The following SARNP variants were observed in gnomAD, a reference collection of about 807,000 sequenced individuals.
SARNP encodes the protein SAP domain containing ribonucleoprotein.
A neutral mutation model predicts 38.1 loss-of-function variants in SARNP; 5 were observed. The observed-to-expected ratio is 0.13, with a 90% CI of 0.07 to 0.28. The LOEUF (loss-of-function observed/expected upper bound fraction) is 0.28, where lower values mean the gene tolerates loss of function less well. Ranked by LOEUF, SARNP falls within the 10% of genes least tolerant of loss-of-function variation. The pLI, the probability that SARNP is intolerant of heterozygous loss-of-function variation, is 1.00. For synonymous variants in SARNP, 84 were observed against 80.6 expected, an observed-to-expected ratio of 1.04 and a Z score of -0.23; for missense variants, 180 against 243.9, an observed-to-expected ratio of 0.74 and a Z score of 1.75.
At chr12:55,785,291 A>G (rs1879458173) in intron 9 of SARNP, among the ~76,000 whole-genome samples, 1 of 152,188 alleles carries the variant, frequency 6.6e-6, no homozygotes, top group Non-Finnish European at 1.5e-5. Flanking sequence ...ACAACCCTCC[A>G]GAGACTTAAA....
intron 9 of SARNP, among the ~76,000 whole-genome samples, chr12:55,778,449 T>C (rs1248586764): frequency 6.6e-6 from 1 of 152,182 alleles, no homozygotes; most frequent in Non-Finnish European, 1.5e-5. Context: ...GCTGACCTGT[T>C]TCCCCTTTAA....
downstream of SARNP, chr12:55,756,952 C>G (rs1878523403): frequency 6.6e-6 from 1 of 152,252 alleles, no homozygotes; most frequent in Non-Finnish European, 1.5e-5. Flanking sequence ...CTACTAATCA[C>G]TGCCCTTGTA....
chr12:55,809,581 C>T lies in SARNP; in HGVS notation c.37-5853G>A, dbSNP rs146553215. On this transcript the variant is annotated intron_variant, in intron 1 of 10. Coordinates refer to ENST00000336133, the MANE Select transcript of SARNP (RefSeq NM_033082.4). ...ACCAGCCTGGGCAACACAGTGAGACCCTGTCTCTCAAAAAACAAAAAACTA... is the reference window on the plus strand; with the variant it reads ...ACCAGCCTGGGCAACACAGTGAGACTCTGTCTCTCAAAAAACAAAAAACTA... Among the ~76,000 whole-genome samples, 521 of 147,936 alleles carry T rather than the reference C, an allele frequency of 3.5e-3. 2 individuals are homozygous for T. The highest frequency in any genetic ancestry group is 0.012 in the African/African-American group (493 of 39,946).
chr12:55,816,615 C>T (rs1159123514), intron 1 of SARNP, among the ~76,000 whole-genome samples: 1 of 152,150 alleles, frequency 6.6e-6, no homozygotes, highest in African/African-American at 2.4e-5. Flanking sequence ...AAAAACTTTT[C>T]GAGCTTTAAA....
intron 5 of SARNP, 91 bp downstream of exon 5, chr12:55,795,934 G>T: frequency 1.1e-6 from 1 of 918,472 alleles, no homozygotes; most frequent in Non-Finnish European, 1.7e-6. Context: ...TTCTGCCTGT[G>T]AATAAATTTT....
intron 10 of SARNP, among the ~76,000 whole-genome samples, chr12:55,759,175 T>A (rs1878601117): frequency 6.6e-6 from 1 of 152,220 alleles, no homozygotes; most frequent in Non-Finnish European, 1.5e-5. Context: ...TGAGAAACTA[T>A]CTGTAAACAA....
chr12:55,756,545 G>A (rs930815708), downstream of SARNP: 3 of 152,144 alleles, frequency 2.0e-5, no homozygotes, highest in African/African-American at 7.2e-5. Context: ...CTTCAGGTAA[G>A]GTGTCAGGCT....
chr12:55,803,547 G>GA (rs548860817), intron 2 of SARNP, 82 bp downstream of exon 2: 88,826 of 624,954 alleles, frequency 0.14, 472 homozygotes, highest in Non-Finnish European at 0.16. Flanking sequence ...CTAATGACCT[G>GA]AAAAAAAAAA....
rs1161292796 is a variant in SARNP at position 55,772,712 on chromosome 12, C to CA, written c.502-12073_502-12072insT. ...AGAAGTCAGTAGAGGGAAGCTGAAA[C>CA]TTTTTTTTTTTTTTTTTTTGAGACA... On this transcript the variant is annotated intron_variant, in intron 9 of 10. Transcript: ENST00000336133. Among the ~76,000 whole-genome samples, 3 of 130,276 alleles carry CA rather than the reference C, an allele frequency of 2.3e-5. No individual in the cohort carries two copies. The South Asian group carries it at 7.3e-4, about 32-fold the overall frequency. 85.5% of individuals were successfully genotyped at this position (130,276 alleles called of 152,430 possible).
chr12:55,773,944 G>A (rs187049540), intron 9 of SARNP, among the ~76,000 whole-genome samples: 80 of 152,222 alleles, frequency 5.3e-4, no homozygotes, highest in African/African-American at 1.9e-3. Flanking sequence ...CTGACCTCAA[G>A]TGATCCACCC....
chr12:55,797,236 T>G (rs773051828), intron 4 of SARNP, among the ~76,000 whole-genome samples: 9 of 152,182 alleles, frequency 5.9e-5, no homozygotes, highest in Non-Finnish European at 8.8e-5. Context: ...CTTCCACCCT[T>G]TTATTGGAAA....
chr12:55,760,018 A>C (rs1053075288), intron 10 of SARNP, among the ~76,000 whole-genome samples: 1 of 152,140 alleles, frequency 6.6e-6, no homozygotes, highest in Non-Finnish European at 1.5e-5. Flanking sequence ...GATTACAGGC[A>C]TGAGCCACCA....
intron 4 of SARNP, among the ~76,000 whole-genome samples, chr12:55,796,425 G>A (rs1055713702): frequency 9.2e-5 from 14 of 152,042 alleles, no homozygotes; most frequent in African/African-American, 3.1e-4. Context: ...TTTCTGAGAC[G>A]GAGTTTTGCT....
chr12:55,797,525 A>G (rs1879854930), intron 4 of SARNP, among the ~76,000 whole-genome samples: 1 of 152,190 alleles, frequency 6.6e-6, no homozygotes, highest in Non-Finnish European at 1.5e-5. Flanking sequence ...ACAAAAGGCT[A>G]AAGTTTAATG....
chr12:55,774,533 C>T (rs985042877), intron 9 of SARNP, among the ~76,000 whole-genome samples: 2 of 142,196 alleles, frequency 1.4e-5, no homozygotes, highest in Non-Finnish European at 3.0e-5. Context: ...CCAGCCTAGC[C>T]GACACGGTGA....
chr12:55,764,953 C>T (rs572119026), intron 9 of SARNP, among the ~76,000 whole-genome samples: 1 of 151,364 alleles, frequency 6.6e-6, no homozygotes, highest in Non-Finnish European at 1.5e-5. Flanking sequence ...AAAGTGAATA[C>T]GGAATATAAA....
chr12:55,765,615 A>G (rs1878806240), intron 9 of SARNP, among the ~76,000 whole-genome samples: 1 of 151,752 alleles, frequency 6.6e-6, no homozygotes, highest in Non-Finnish European at 1.5e-5. Flanking sequence ...AAGTGCTGGG[A>G]TTACAGGCAT....
chr12:55,776,625 C>T (rs1185013733), intron 9 of SARNP, among the ~76,000 whole-genome samples: 1 of 152,038 alleles, frequency 6.6e-6, no homozygotes, highest in Non-Finnish European at 1.5e-5. Context: ...ATACAGAGGG[C>T]TGAGTATACT....
In SARNP at chr12:55,766,616, C is replaced by CGGGGGGGGGGG. The variant is rs58583137; in HGVS notation, c.502-5987_502-5977dup. On this transcript the variant is annotated intron_variant, in intron 9 of 10. Coordinates refer to ENST00000336133, the MANE Select transcript of SARNP (RefSeq NM_033082.4). ...CTATATATTTTGTGGGTTTTTTTGG[C>CGGGGGGGGGGG]GGGGGGGGGGGGGGGGTTGTTTTTT... Among the ~76,000 whole-genome samples the CGGGGGGGGGGG allele has an allele frequency of 1.8e-4, 7 of 38,108 alleles. 1 individual carries two copies. The highest frequency in any genetic ancestry group is 9.3e-4 in the Admixed American group (2 of 2,146). 25.0% of individuals were successfully genotyped at this position (38,108 alleles called of 152,430 possible).
Sources: allele counts gnomAD v4.1 joint callset (sites outside exome capture counted in the v4.1 genomes callset), GRCh38; gene constraint gnomAD v4.1.1; transcripts MANE v1.5; gene names NCBI Gene and HGNC (gene_info 2026-07-23, HGNC 2026-07-21).